CUBN: variants seen among roughly 807,000 people sequenced by gnomAD.
The protein encoded by CUBN is 460 kDa receptor.
In CUBN, 282 loss-of-function variants were observed where a neutral mutation model predicts 405.3. That is an observed-to-expected ratio of 0.70 (90% CI 0.63 to 0.77). CUBN has a LOEUF of 0.77. Ranked by LOEUF, CUBN falls within the 30% of genes least tolerant of loss-of-function variation. CUBN has a pLI of 0.00. For missense variants in CUBN, 4,514 were observed against 4,475.2 expected (o/e 1.01, Z -0.25); for synonymous variants, 1,684 against 1,617.0 (o/e 1.04, Z -0.99).
In CUBN at chr10:16,990,436, C is replaced by T. The variant is rs1833549039; in HGVS notation, c.4248G>A (p.Glu1416=). 6.2e-7 allele frequency: 1 copy of T among 1,614,066 alleles called. No homozygotes were observed. Among genetic ancestry groups the T allele is most frequent in the Non-Finnish European group, 8.5e-7 (1 of 1,180,024 alleles). ...GGTCCGTCCTAATGTACCAGATACA[C>T]TCCTTGTTTGGTGGATACCTGTTGG... ...GFPNRYPPNK[E]CIWYIRTDPG... Residue 1416 remains glutamate, a synonymous_variant, in exon 29 of 67, where the codon GAG becomes GAA. Transcript: ENST00000377833.
intron 17 of CUBN, among the ~76,000 whole-genome samples, chr10:17,073,727 T>C (rs1397525013): frequency 1.3e-5 from 2 of 152,202 alleles, no homozygotes; most frequent in East Asian, 1.9e-4. Context: ...ATTACACGCG[T>C]GAGCCACTGC....
At chr10:17,012,727 C>T (rs1203658070) in intron 28 of CUBN, among the ~76,000 whole-genome samples, 2 of 152,210 alleles carry the variant, frequency 1.3e-5, no homozygotes, top group Non-Finnish European at 2.9e-5. Flanking sequence ...CTTCCTGATT[C>T]TGTAAGTACT....
chr10:16,881,332 T>C (rs1357789851), intron 56 of CUBN, among the ~76,000 whole-genome samples: 1 of 152,216 alleles, frequency 6.6e-6, no homozygotes, highest in East Asian at 1.9e-4. Context: ...CTGTGAAACA[T>C]AAGGTATAGT....
At position 16,913,928 on chromosome 10, in the gene CUBN, A is replaced by G; in HGVS notation, c.7416T>C (p.Asn2472=). ...TFTSPNYPNP[N]PHGRICEWRI... is the part of the protein sequence containing the mutation. The stretch of plus-strand genomic sequence containing the variant: ...TCCACTCGCAGATCCGGCCATGAGG[A>G]TTTGGGTTCGGGTAGTTGGGAGAAG... Residue 2472 remains asparagine, a synonymous_variant, in exon 48 of 67, where the codon AAT becomes AAC. Transcript: ENST00000377833. 1.2e-6 allele frequency: 2 copies of G among 1,614,008 alleles called. No individual in the cohort carries two copies. The highest frequency in any genetic ancestry group is 1.7e-6 in the Non-Finnish European group (2 of 1,180,000).
At chr10:17,096,792 C>G (rs937343179) in intron 14 of CUBN, among the ~76,000 whole-genome samples, 3 of 151,976 alleles carry the variant, frequency 2.0e-5, no homozygotes, top group African/African-American at 7.2e-5. Flanking sequence ...AAATAATATA[C>G]TGCATGATTA....
At chr10:17,083,948 C>T (rs1836033196) in intron 17 of CUBN, among the ~76,000 whole-genome samples, 2 of 152,108 alleles carry the variant, frequency 1.3e-5, no homozygotes, top group Non-Finnish European at 2.9e-5. Flanking sequence ...AAAACCCTAA[C>T]CTCCAAAACA....
At chr10:17,040,842 T>C (rs530350756) in intron 27 of CUBN, among the ~76,000 whole-genome samples, 191 bp downstream of exon 27, 12 of 152,278 alleles carry the variant, frequency 7.9e-5, no homozygotes, top group South Asian at 4.1e-4. Context: ...AAAACATAGA[T>C]AGTTCTCTGT....
chr10:16,846,927 G>GA (rs1214656148), intron 60 of CUBN, among the ~76,000 whole-genome samples: 1 of 152,072 alleles, frequency 6.6e-6, no homozygotes, highest in Admixed American at 6.6e-5. Context: ...CTTCCTGGCA[G>GA]AAAAAGTCAG....
chr10:17,096,684 T>C (rs1836381558), intron 14 of CUBN, among the ~76,000 whole-genome samples: 1 of 152,090 alleles, frequency 6.6e-6, no homozygotes, highest in Non-Finnish European at 1.5e-5. Flanking sequence ...GGACTACATC[T>C]AACCATTACA....
chr10:17,116,504 T>C (rs1053264704), intron 6 of CUBN, among the ~76,000 whole-genome samples: 1 of 152,064 alleles, frequency 6.6e-6, no homozygotes, highest in Admixed American at 6.6e-5. Flanking sequence ...AAAGCTCTCA[T>C]GGGGGAAATG....
chr10:16,988,299 T>C (rs1833486603), intron 29 of CUBN, among the ~76,000 whole-genome samples: 1 of 152,210 alleles, frequency 6.6e-6, no homozygotes. Context: ...AACCAAGCAA[T>C]ATCCTTGCAG....
chr10:16,926,571 A>G (rs1176393627), intron 41 of CUBN, among the ~76,000 whole-genome samples: 1 of 152,154 alleles, frequency 6.6e-6, no homozygotes, highest in East Asian at 1.9e-4. Flanking sequence ...TGGTAGCAAC[A>G]GAAATGGAGA....
At chr10:17,004,248 C>A (rs1295184333) in intron 28 of CUBN, among the ~76,000 whole-genome samples, 2 of 152,220 alleles carry the variant, frequency 1.3e-5, no homozygotes, top group Non-Finnish European at 2.9e-5. Context: ...TGCTTCCTAA[C>A]TGATCATGCT....
intron 18 of CUBN, 78 bp downstream of exon 18, chr10:17,071,749 A>T (rs1399874924): frequency 1.9e-6 from 3 of 1,547,946 alleles, no homozygotes; most frequent in Non-Finnish European, 2.7e-6. Flanking sequence ...TGAGGACATA[A>T]AATGACTAAA....
At chr10:16,965,848 T>C in intron 31 of CUBN, 2 of 409,118 alleles carry the variant, frequency 4.9e-6, no homozygotes, top group South Asian at 3.7e-5. Flanking sequence ...ATTTGATTCT[T>C]ACAGTTCCAC....
In CUBN at chr10:17,019,879, C is replaced by T; in HGVS notation, c.4122G>A (p.Gly1374=). The change falls in exon 28 of 67, where the codon GGG becomes GGA. Residue 1374 remains glycine, a synonymous_variant. Transcript: ENST00000377833. Reference sequence around the variant, plus strand: ...GAAATCCTTTCTCACGGCGGCCAACCCCATCTGTAAGGAGCAGCACTTGAA... The same window carrying T: ...GAAATCCTTTCTCACGGCGGCCAACTCCATCTGTAAGGAGCAGCACTTGAA... The part of the protein sequence containing the change: ...SKLQVLLLTD[G]VGRREKGFQM... The T allele has an allele frequency of 6.2e-7, 1 of 1,614,142 alleles. No homozygotes were observed. The highest frequency in any genetic ancestry group is 8.5e-7 in the Non-Finnish European group (1 of 1,180,008).
intron 14 of CUBN, among the ~76,000 whole-genome samples, chr10:17,092,194 G>A (rs560718273): frequency 4.1e-4 from 62 of 152,218 alleles, no homozygotes; most frequent in Admixed American, 3.6e-3. Context: ...CCATACTGAC[G>A]CTTTCTGACT....
chr10:17,068,687 G>C lies in CUBN; in HGVS notation c.2709C>G (p.Tyr903Ter). ...TCACGAATGTGACATAAAGAAAATT[G>C]TACACAGATGTTATAAATGAAGGTA... Reference protein sequence around the residue: ...TDIPSFITSVYNFLYVTFVKS... With the variant: ...TDIPSFITSV The change falls in exon 20 of 67, where the codon TAC becomes TAG. Residue 903 changes from tyrosine (Y) to a stop codon, truncating the protein, a stop_gained. Coordinates refer to ENST00000377833, the MANE Select transcript of CUBN (RefSeq NM_001081.4). LOFTEE classifies it high-confidence loss of function. 6.2e-7 allele frequency: 1 copy of C among 1,611,854 alleles called. No individual in the cohort carries two copies. Among genetic ancestry groups the C allele is most frequent in the Non-Finnish European group, 8.5e-7 (1 of 1,178,288 alleles).
chr10:17,001,655 G>A (rs1156600166), intron 28 of CUBN, among the ~76,000 whole-genome samples: 1 of 152,210 alleles, frequency 6.6e-6, no homozygotes, highest in Non-Finnish European at 1.5e-5. Context: ...AACAGTAATA[G>A]TGAATGAGAT....
Sources: allele counts gnomAD v4.1 joint callset (sites outside exome capture counted in the v4.1 genomes callset), GRCh38; gene constraint gnomAD v4.1.1; transcripts MANE v1.5; gene names NCBI Gene and HGNC (gene_info 2026-07-23, HGNC 2026-07-21).